The following DGLUCY variants were observed in gnomAD, a reference collection of about 807,000 sequenced individuals.
DGLUCY encodes D-glutamate cyclase, mitochondrial.
In DGLUCY, 58 loss-of-function variants were observed where a neutral mutation model predicts 58.5. That is an observed-to-expected ratio of 0.99 (90% confidence interval 0.80 to 1.23). The LOEUF is 1.23. Among genes scored for constraint, DGLUCY ranks in the 50% most tolerant of loss-of-function variants. The pLI is 0.00. For synonymous variants in DGLUCY, 325 were observed against 314.1 expected, an observed-to-expected ratio of 1.03 and a Z score of -0.37; for missense variants, 779 against 784.7, an observed-to-expected ratio of 0.99 and a Z score of 0.09.
intron 11 of DGLUCY, among the ~76,000 whole-genome samples, chr14:91,201,505 G>T (rs181248013): frequency 6.6e-6 from 1 of 152,164 alleles, no homozygotes; most frequent in Non-Finnish European, 1.5e-5. Context: ...CACTATGTTG[G>T]CCAGGATGGT....
chr14:91,224,740 C>T lies in DGLUCY; in HGVS notation c.1773C>T (p.Gly591=). Residue 591 remains glycine, a synonymous_variant, in exon 14 of 14, where the codon GGC becomes GGT. Coordinates refer to ENST00000256324, the MANE Select transcript of DGLUCY (RefSeq NM_001102368.3). The part of the protein sequence containing the change: ...VQHKVRSGVS[G]IVGMEVDGLP... Reference sequence around the variant, plus strand: ...ACAAAGTCCGGAGTGGCGTCTCGGGCATCGTGGGCATGGAGGTGGATGGGC... The same window carrying T: ...ACAAAGTCCGGAGTGGCGTCTCGGGTATCGTGGGCATGGAGGTGGATGGGC... 1 of 1,613,734 alleles carries T rather than the reference C, an allele frequency of 6.2e-7. No individual in the cohort carries two copies. The highest frequency in any genetic ancestry group is 8.5e-7 in the Non-Finnish European group (1 of 1,179,756).
intron 1 of DGLUCY, among the ~76,000 whole-genome samples, chr14:91,084,723 C>G (rs2044183391): frequency 1.3e-5 from 2 of 152,172 alleles, no homozygotes; most frequent in African/African-American, 4.8e-5. Flanking sequence ...TGACTTCCAG[C>G]ATGGAGGAGG....
chr14:91,165,341 G>A, intron 3 of DGLUCY: 1 of 444,250 alleles, frequency 2.3e-6, no homozygotes, highest in Admixed American at 2.5e-5. Context: ...CTTGGAGGTA[G>A]GTATGGTTGC....
intron 1 of DGLUCY, chr14:91,147,753 A>T (rs1487462314): frequency 6.6e-6 from 1 of 152,212 alleles, no homozygotes; most frequent in Admixed American, 6.5e-5. Context: ...TATTATGTAC[A>T]TTTCTTTCTA....
upstream of DGLUCY, among the ~76,000 whole-genome samples, chr14:91,109,486 C>G (rs766962778): frequency 7.9e-5 from 12 of 152,152 alleles, no homozygotes; most frequent in Non-Finnish European, 1.5e-4. Context: ...CCTCCCTGCC[C>G]CAGGCTTTGG....
chr14:91,173,565 GC>G, intron 6 of DGLUCY, 126 bp downstream of exon 6: 1 of 1,296,774 alleles, frequency 7.7e-7, no homozygotes, highest in Non-Finnish European at 1.0e-6. Flanking sequence ...TCTCGCTCCT[GC>G]CCATGATCCT....
chr14:91,166,393 G>A (rs964391332), intron 3 of DGLUCY, among the ~76,000 whole-genome samples: 9 of 152,150 alleles, frequency 5.9e-5, no homozygotes, highest in East Asian at 1.9e-4. Flanking sequence ...GGCCAGTTGC[G>A]GTGGCTCACG....
At chr14:91,203,869 G>T (rs543562884) in intron 11 of DGLUCY, among the ~76,000 whole-genome samples, 1 of 152,206 alleles carries the variant, frequency 6.6e-6, no homozygotes, top group East Asian at 1.9e-4. Context: ...TAGAGGCAAG[G>T]TTTTGCCATA....
intron 4 of DGLUCY, among the ~76,000 whole-genome samples, chr14:91,169,637 G>A (rs560909567): frequency 1.2e-3 from 182 of 151,376 alleles, no homozygotes; most frequent in Middle Eastern, 3.4e-3. Context: ...CTTGAACTCC[G>A]GAGTTCAAGT....
intron 1 of DGLUCY, among the ~76,000 whole-genome samples, chr14:91,076,896 G>A (rs761424877): frequency 3.9e-5 from 6 of 152,124 alleles, no homozygotes; most frequent in Non-Finnish European, 5.9e-5. Flanking sequence ...CCACAGGAAT[G>A]GGAAGTACTA....
chr14:91,122,534 A>C (rs2045431623), intron 1 of DGLUCY, among the ~76,000 whole-genome samples: 1 of 152,000 alleles, frequency 6.6e-6, no homozygotes, highest in East Asian at 1.9e-4. Context: ...AATGTTACTG[A>C]ATTGTACACT....
intron 13 of DGLUCY, chr14:91,220,458 T>A (rs938878258): frequency 2.2e-6 from 1 of 456,120 alleles, no homozygotes; most frequent in Non-Finnish European, 4.4e-6. Flanking sequence ...CTGGGGCAGG[T>A]GTCAGGGTGT....
chr14:91,156,055 C>T (rs1291349150), intron 1 of DGLUCY, among the ~76,000 whole-genome samples: 1 of 151,934 alleles, frequency 6.6e-6, no homozygotes, highest in East Asian at 1.9e-4. Context: ...CTCCACCTTG[C>T]CTTGTTAATT....
chr14:91,206,206 C>T (rs1053154785), intron 12 of DGLUCY, among the ~76,000 whole-genome samples: 1 of 151,952 alleles, frequency 6.6e-6, no homozygotes, highest in African/African-American at 2.4e-5. Flanking sequence ...AATTCCAGCT[C>T]CCTCTAGCAA....
intron 9 of DGLUCY, among the ~76,000 whole-genome samples, chr14:91,191,041 C>T (rs1358406714): frequency 1.3e-5 from 2 of 152,154 alleles, no homozygotes; most frequent in East Asian, 3.9e-4. Context: ...CGATGGGACC[C>T]CGCCACAAGC....
intron 7 of DGLUCY, among the ~76,000 whole-genome samples, chr14:91,178,984 A>G (rs1381977404): frequency 6.6e-6 from 1 of 152,164 alleles, no homozygotes; most frequent in Non-Finnish European, 1.5e-5. Flanking sequence ...AGATCTCACC[A>G]CTGCACTCCA....
intron 9 of DGLUCY, among the ~76,000 whole-genome samples, chr14:91,193,149 C>T (rs11629373): frequency 0.46 from 69,305 of 152,000 alleles, 18,978 homozygotes; most frequent in East Asian, 0.67. Context: ...GCGAGGGAGA[C>T]GAGAAGGAGC....
At chr14:91,069,618 C>T (rs1396553493) in intron 1 of DGLUCY, among the ~76,000 whole-genome samples, 1 of 151,906 alleles carries the variant, frequency 6.6e-6, no homozygotes, top group Non-Finnish European at 1.5e-5. Context: ...CTATTTATGG[C>T]AAGTGATACT....
At chr14:91,162,218 C>G (rs1015150004) in intron 3 of DGLUCY, among the ~76,000 whole-genome samples, 2 of 152,110 alleles carry the variant, frequency 1.3e-5, no homozygotes, top group African/African-American at 4.8e-5. Flanking sequence ...CTGGGAAACT[C>G]CAGCTTGGAG....
Sources: gnomAD v4.1 joint callset for allele counts (sites outside exome capture counted in the v4.1 genomes callset) on GRCh38, gnomAD v4.1.1 for gene constraint, MANE v1.5 for transcripts, NCBI Gene and HGNC (gene_info 2026-07-23, HGNC 2026-07-21) for gene names.